CDC42: variants seen among roughly 807,000 people sequenced by gnomAD.
CDC42 encodes the protein cell division cycle 42.
A neutral mutation model predicts 20.8 loss-of-function variants in CDC42; 1 was observed. The ratio of observed to expected loss-of-function variants is 0.05; its 90% CI spans 0.02 to 0.23. The LOEUF (loss-of-function observed/expected upper bound fraction) is 0.23, where lower values mean the gene tolerates loss of function less well. CDC42 is among the 10% of genes least tolerant of loss of function. The probability of loss-of-function intolerance (pLI) is 1.00; values close to 1 mark genes in which losing one functional copy is unlikely to be tolerated. For missense variants in CDC42, 49 were observed against 227.9 expected, an observed-to-expected ratio of 0.21 and a Z score of 5.05; for synonymous variants, 72 against 84.8, an observed-to-expected ratio of 0.85 and a Z score of 0.83.
intron 1 of CDC42, chr1:22,074,086 T>C (rs1420518572): frequency 6.6e-6 from 1 of 152,272 alleles, no homozygotes; most frequent in African/African-American, 2.4e-5. Flanking sequence ...TCTTTCTTCT[T>C]TTTTGAGACG....
At position 22,091,721 on chromosome 1, in the gene CDC42, A is replaced by T; in HGVS notation, c.*204A>T. ...TCCCAGTACTAGTTAATTTTGAGTA[A>T]TTGTATTGTCAGAAAAGTGATTAGT... On this transcript the variant is annotated 3_prime_UTR_variant, in exon 6 of 6. Transcript: ENST00000656825. The T allele has an allele frequency of 3.3e-6, 1 of 299,872 alleles. No homozygotes were observed. The highest frequency in any genetic ancestry group is 9.3e-4 in the Middle Eastern group (1 of 1,074). 18.6% of individuals were successfully genotyped at this position (299,872 alleles called of 1,614,324 possible).
rs1178159608 is a variant in CDC42 at position 22,094,373 on chromosome 1, C to G, written c.*2856C>G. ...AGTGCAGTGGCGCGATCTCGGCTCA[C>G]TGCAAGCTCCGCCTCCCGGGTTCAC... On this transcript the variant is annotated 3_prime_UTR_variant, in exon 6 of 6. Coordinates refer to ENST00000656825, the MANE Select transcript of CDC42 (RefSeq NM_001791.4). Among the ~76,000 whole-genome samples, 2 of 115,066 alleles carry G rather than the reference C, an allele frequency of 1.7e-5. No individual in the cohort carries two copies. The highest frequency in any genetic ancestry group is 3.3e-5 in the Non-Finnish European group (2 of 60,662). The allele number at this position is 115,066 out of a possible 152,430, so 75.5% of individuals were successfully genotyped here.
chr1:22,064,433 C>G (rs16826352), intron 1 of CDC42, among the ~76,000 whole-genome samples: 1 of 151,434 alleles, frequency 6.6e-6, no homozygotes, highest in Non-Finnish European at 1.5e-5. Context: ...GCTGGGAGTA[C>G]AGGTGTGCAT....
rs965872685 is a variant in CDC42, at chr1:22,096,161, A to G, written c.*4644A>G. ...TTTTTAAGGGAGACTGGGTGTCACT[A>G]TGTTGGCCAGACAGATCTCAAACTC... On this transcript the variant is annotated 3_prime_UTR_variant, in exon 6 of 6. Transcript: ENST00000656825. 6.6e-6 allele frequency among the ~76,000 whole-genome samples: 1 copy of G among 151,440 alleles called. No individual in the cohort carries two copies. Among genetic ancestry groups the G allele is most frequent in the Non-Finnish European group, 1.5e-5 (1 of 67,854 alleles).
rs533310504 is a variant in CDC42, at chr1:22,091,958, G to C, written c.*441G>C. The C allele has an allele frequency of 6.5e-6, 1 of 152,706 alleles. No homozygotes were observed. Among genetic ancestry groups the C allele is most frequent in the East Asian group, 1.9e-4 (1 of 5,188 alleles). The allele number at this position is 152,706 out of a possible 1,614,324, so 9.5% of individuals were successfully genotyped here. ...TTTTTTTCCCTCCTCTTTTTTTTGGGGGGGAGTGTGTGTGGGGTTTGTTTT... is the reference window on the plus strand; with the variant it reads ...TTTTTTTCCCTCCTCTTTTTTTTGGCGGGGAGTGTGTGTGGGGTTTGTTTT... On this transcript the variant is annotated 3_prime_UTR_variant, in exon 6 of 6. Transcript: ENST00000656825.
chr1:22,090,589 G>C lies in CDC42; in HGVS notation c.487-839G>C, dbSNP rs1184410936. 5 of 985,680 alleles carry C rather than the reference G, an allele frequency of 5.1e-6. No individual in the cohort carries two copies. The Admixed American group carries it at 3.1e-4, about 60-fold the overall frequency. The allele number at this position is 985,680 out of a possible 1,614,324, so 61.1% of individuals were successfully genotyped here. The stretch of plus-strand genomic sequence containing the variant: ...TGGAGTATTTGTCAGTCTGGGGTGG[G>C]GAAGATATTGATGTATCTGCTACTG... On this transcript the variant is annotated intron_variant, in intron 5 of 5. Coordinates refer to ENST00000656825, the MANE Select transcript of CDC42 (RefSeq NM_001791.4).
chr1:22,076,613 A>G (rs1004357402), intron 1 of CDC42, among the ~76,000 whole-genome samples: 3 of 152,180 alleles, frequency 2.0e-5, no homozygotes, highest in African/African-American at 7.2e-5. Context: ...GGAGGATGAA[A>G]TGTGTGAATA....
chr1:22,059,236 C>A (rs1645336648), intron 1 of CDC42: 1 of 151,792 alleles, frequency 6.6e-6, no homozygotes, highest in African/African-American at 2.4e-5. Flanking sequence ...AGTGATTCTC[C>A]TGCCTCCACC....
chr1:22,071,080 G>C (rs570928761), intron 1 of CDC42, among the ~76,000 whole-genome samples: 2 of 115,762 alleles, frequency 1.7e-5, no homozygotes, highest in Non-Finnish European at 3.3e-5. Context: ...GTCTCGCTCT[G>C]TTGCCCAGGC....
chr1:22,055,867 G>GTTTTTT (rs35437576), intron 1 of CDC42, among the ~76,000 whole-genome samples: 10 of 126,660 alleles, frequency 7.9e-5, no homozygotes, highest in African/African-American at 3.1e-4. Context: ...TTGTTTTAGA[G>GTTTTTT]TTTTTTTTTT....
intron 3 of CDC42, among the ~76,000 whole-genome samples, chr1:22,086,228 AATAAC>A (rs1305556997): frequency 2.0e-5 from 3 of 152,268 alleles, no homozygotes; most frequent in African/African-American, 7.2e-5. Context: ...AATAAAAGCA[AATAAC>A]ATAATAGTAA....
At chr1:22,056,079 G>T (rs930513505) in intron 1 of CDC42, among the ~76,000 whole-genome samples, 2 of 152,178 alleles carry the variant, frequency 1.3e-5, no homozygotes, top group African/African-American at 4.8e-5. Flanking sequence ...TGTAAGTTCT[G>T]TGAGGGCAGG....
At chr1:22,083,175 C>A (rs988789795) in intron 3 of CDC42, among the ~76,000 whole-genome samples, 3 of 152,078 alleles carry the variant, frequency 2.0e-5, no homozygotes, top group African/African-American at 7.2e-5. Flanking sequence ...ACCACTGCGC[C>A]TGGCGAGAAA....
chr1:22,091,375 C>T, intron 5 of CDC42, 53 bp from the exon 6 acceptor site: 2 of 1,178,128 alleles, frequency 1.7e-6, no homozygotes, highest in South Asian at 1.3e-5. Flanking sequence ...TGAACTCCAA[C>T]TTTATTATAC....
rs759548523 is a variant in CDC42 at position 22,095,394 on chromosome 1, C to T, written c.*3877C>T. ...ACACCATTCTCCTGCCTCAGCCTCCCGAGTAGCCAGGACTACAGGCATGTG... is the reference window on the plus strand; with the variant it reads ...ACACCATTCTCCTGCCTCAGCCTCCTGAGTAGCCAGGACTACAGGCATGTG... On this transcript the variant is annotated 3_prime_UTR_variant, in exon 6 of 6. Transcript: ENST00000656825. Among the ~76,000 whole-genome samples the T allele has an allele frequency of 2.6e-5, 4 of 151,960 alleles. No individual in the cohort carries two copies. Among genetic ancestry groups the T allele is most frequent in the Non-Finnish European group, 5.9e-5 (4 of 67,992 alleles).
intron 1 of CDC42, among the ~76,000 whole-genome samples, chr1:22,072,613 G>A (rs1645504845): frequency 6.6e-6 from 1 of 152,078 alleles, no homozygotes. Context: ...CTGGAGGTTG[G>A]TGCATGGGGC....
At chr1:22,074,671 T>G (rs984819179) in intron 1 of CDC42, among the ~76,000 whole-genome samples, 1 of 152,172 alleles carries the variant, frequency 6.6e-6, no homozygotes, top group Non-Finnish European at 1.5e-5. Flanking sequence ...CTTCCCACTT[T>G]GGCCTCCCAA....
At chr1:22,053,911 C>T (rs1645266512) in intron 1 of CDC42, among the ~76,000 whole-genome samples, 1 of 152,266 alleles carries the variant, frequency 6.6e-6, no homozygotes, top group Non-Finnish European at 1.5e-5. Flanking sequence ...GTGGCATTAA[C>T]TTTAAATAGA....
Position 22,097,563 on chromosome 1 carries a change from C to T in CDC42, c.*6046C>T, listed in dbSNP as rs1473550690. 2.6e-5 allele frequency among the ~76,000 whole-genome samples: 4 copies of T among 152,172 alleles called. No individual in the cohort carries two copies. Among genetic ancestry groups the T allele is most frequent in the South Asian group, 2.1e-4 (1 of 4,834 alleles). Reference sequence around the variant, plus strand: ...GGCCTGAAATGTGTATTCTTAAGTCCGCCTTTCAAAGTTGAGTACTGCATT... The same window carrying T: ...GGCCTGAAATGTGTATTCTTAAGTCTGCCTTTCAAAGTTGAGTACTGCATT... On this transcript the variant is annotated 3_prime_UTR_variant, in exon 6 of 6. Coordinates refer to ENST00000656825, the MANE Select transcript of CDC42 (RefSeq NM_001791.4).
Sources: gnomAD v4.1 joint callset for allele counts (sites outside exome capture counted in the v4.1 genomes callset) on GRCh38, gnomAD v4.1.1 for gene constraint, MANE v1.5 for transcripts, NCBI Gene and HGNC (gene_info 2026-07-23, HGNC 2026-07-21) for gene names.